The following CDC5L variants were observed in gnomAD, a reference collection of about 807,000 sequenced individuals.
CDC5L encodes cell division cycle 5 like.
A neutral mutation model predicts 104.1 loss-of-function variants in CDC5L; 18 were observed. That is an observed-to-expected ratio of 0.17 (90% CI 0.12 to 0.26). The LOEUF (loss-of-function observed/expected upper bound fraction) is 0.26, where lower values mean the gene tolerates loss of function less well. Ranked by LOEUF, CDC5L falls within the 10% of genes least tolerant of loss-of-function variation. CDC5L has a pLI of 1.00. For synonymous variants in CDC5L, 331 were observed against 322.7 expected, an observed-to-expected ratio of 1.03 and a Z score of -0.28; for missense variants, 673 against 956.9, an observed-to-expected ratio of 0.70 and a Z score of 3.91.
Position 44,422,893 on chromosome 6 carries a change from A to C in CDC5L, c.1404+84A>C, listed in dbSNP as rs566835655. ...AAATTAAAATTTCTCCTGTTAGTGC[A>C]TATCACATATACCTTAAGAATCTAT... is the stretch of plus-strand genomic sequence containing the variant. On this transcript the variant is annotated intron_variant, in intron 10 of 15. Coordinates refer to ENST00000371477, the MANE Select transcript of CDC5L (RefSeq NM_001253.4). 53 of 797,610 alleles carry C rather than the reference A, an allele frequency of 6.6e-5. No individual in the cohort carries two copies. In the Middle Eastern group the frequency reaches 1.2e-3, roughly 18 times the overall value. The allele number at this position is 797,610 out of a possible 1,614,324, so 49.4% of individuals were successfully genotyped here.
chr6:44,400,411 G>A (rs534352848), intron 5 of CDC5L, among the ~76,000 whole-genome samples: 47 of 152,192 alleles, frequency 3.1e-4, no homozygotes, highest in African/African-American at 1.1e-3. Context: ...TTTTTGAGAC[G>A]GAGTCTCGCT....
intron 6 of CDC5L, among the ~76,000 whole-genome samples, chr6:44,404,786 A>G (rs1244187025): frequency 6.6e-6 from 1 of 152,016 alleles, no homozygotes; most frequent in Non-Finnish European, 1.5e-5. Context: ...TCCACCTCCC[A>G]GGCTCAAGCA....
At chr6:44,407,715 C>G (rs1791438476) in intron 7 of CDC5L, among the ~76,000 whole-genome samples, 1 of 152,116 alleles carries the variant, frequency 6.6e-6, no homozygotes, top group Admixed American at 6.5e-5. Context: ...ACTTAGGAGA[C>G]CAGAAGAACT....
At chr6:44,403,138 C>G (rs925376892) in intron 5 of CDC5L, among the ~76,000 whole-genome samples, 2 of 152,130 alleles carry the variant, frequency 1.3e-5, no homozygotes, top group South Asian at 4.1e-4. Context: ...AGCAGACTGT[C>G]CATTTTTTGC....
At chr6:44,431,814 A>G (rs1164826403) in intron 14 of CDC5L, among the ~76,000 whole-genome samples, 1 of 152,226 alleles carries the variant, frequency 6.6e-6, no homozygotes. Context: ...TGGGTCGTTT[A>G]TGAGCAACCA....
chr6:44,393,743 C>T (rs890029217), intron 4 of CDC5L, among the ~76,000 whole-genome samples, 170 bp downstream of exon 4: 11 of 152,048 alleles, frequency 7.2e-5, no homozygotes, highest in African/African-American at 1.9e-4. Flanking sequence ...TGGTTCACTG[C>T]GGTTTTGACC....
At chr6:44,432,496 C>G (rs981749464) in intron 14 of CDC5L, among the ~76,000 whole-genome samples, 3 of 151,482 alleles carry the variant, frequency 2.0e-5, no homozygotes, top group East Asian at 3.9e-4. Flanking sequence ...CCAGCTTTGT[C>G]GTGGCTGGTG....
At chr6:44,408,379 A>G (rs546558952) in intron 7 of CDC5L, 65 bp from the exon 8 acceptor site, 4 of 1,295,422 alleles carry the variant, frequency 3.1e-6, no homozygotes, top group Admixed American at 1.9e-5. Flanking sequence ...TGGGATTACA[A>G]GTGTGAGCCA....
intron 11 of CDC5L, 133 bp downstream of exon 11, chr6:44,424,716 A>G: frequency 2.8e-6 from 2 of 717,824 alleles, no homozygotes; most frequent in Middle Eastern, 5.0e-4. Flanking sequence ...TCTAAAGTAA[A>G]TAACTTATGT....
chr6:44,403,330 T>TA (rs76723196), intron 5 of CDC5L, among the ~76,000 whole-genome samples: 502 of 142,174 alleles, frequency 3.5e-3, no homozygotes, highest in Non-Finnish European at 3.4e-3. Flanking sequence ...TTGAGTGCAT[T>TA]AAAAAAAAAA....
At chr6:44,412,348 A>C (rs1307285072) in intron 8 of CDC5L, among the ~76,000 whole-genome samples, 1 of 150,012 alleles carries the variant, frequency 6.7e-6, no homozygotes, top group Admixed American at 6.6e-5. Flanking sequence ...CCCATTACCC[A>C]GGCTGGAGTG....
chr6:44,425,649 T>G (rs1319546180), intron 11 of CDC5L, among the ~76,000 whole-genome samples: 3 of 152,178 alleles, frequency 2.0e-5, no homozygotes, highest in African/African-American at 7.2e-5. Flanking sequence ...TCAGCTACTT[T>G]GAGTTACATT....
At chr6:44,403,198 T>C (rs1030090436) in intron 5 of CDC5L, among the ~76,000 whole-genome samples, 1 of 152,218 alleles carries the variant, frequency 6.6e-6, no homozygotes, top group Non-Finnish European at 1.5e-5. Context: ...TAATTAGATA[T>C]GCACAAATGG....
At chr6:44,390,189 C>A (rs1351069971) in intron 1 of CDC5L, 79 bp from the exon 2 acceptor site, 1 of 816,878 alleles carries the variant, frequency 1.2e-6, no homozygotes, top group East Asian at 2.6e-5. Context: ...TCCAATAGCC[C>A]TATCAGAGTT....
rs758564138 is a variant in CDC5L, at chr6:44,445,664, G to T, written c.2101G>T (p.Gly701Cys). 1.2e-6 allele frequency: 2 copies of T among 1,613,000 alleles called. No homozygotes were observed. Among genetic ancestry groups the T allele is most frequent in the African/African-American group, 1.3e-5 (1 of 74,834 alleles). Residue 701 changes from glycine (G) to cysteine (C), a missense_variant, in exon 15 of 16, where the codon GGT (glycine) becomes TGT (cysteine). Transcript: ENST00000371477. ...TTCCCCTGCTCTCCAGATAAACAGG[G>T]GTCACATGACGACAGAAGCCAAGAG... ...SLEKRLEINR[G>C]HMTTEAKRAA...
At chr6:44,434,297 G>C (rs1792825021) in intron 14 of CDC5L, among the ~76,000 whole-genome samples, 1 of 152,198 alleles carries the variant, frequency 6.6e-6, no homozygotes, top group African/African-American at 2.4e-5. Context: ...AAGGTTTTTA[G>C]TAAGGTTTTG....
chr6:44,398,006 A>G (rs1484495138), intron 5 of CDC5L, among the ~76,000 whole-genome samples: 1 of 152,148 alleles, frequency 6.6e-6, no homozygotes, highest in Non-Finnish European at 1.5e-5. Context: ...TGTGGCCCCC[A>G]GGTTGGCCTG....
rs558169462 is a variant in CDC5L, at chr6:44,449,943, C to T, written c.*3232C>T. The stretch of plus-strand genomic sequence containing the variant: ...GCAGTAGTGCAATCTTGGCCCACTG[C>T]AACCTCTGCCTCCTGGGCTCGAGTG... On this transcript the variant is annotated 3_prime_UTR_variant, in exon 16 of 16. Transcript: ENST00000371477. The T allele has an allele frequency of 1.7e-4, 26 of 151,200 alleles. No homozygotes were observed. Among genetic ancestry groups the T allele is most frequent in the Admixed American group, 1.2e-3 (18 of 15,182 alleles). 9.4% of individuals were successfully genotyped at this position (151,200 alleles called of 1,614,324 possible).
At chr6:44,411,554 T>G (rs1791624039) in intron 8 of CDC5L, among the ~76,000 whole-genome samples, 1 of 151,898 alleles carries the variant, frequency 6.6e-6, no homozygotes, top group Non-Finnish European at 1.5e-5. Context: ...AAATCTTTTT[T>G]GTACTCTCTT....
Sources: gnomAD v4.1 joint callset for allele counts (sites outside exome capture counted in the v4.1 genomes callset) on GRCh38, gnomAD v4.1.1 for gene constraint, MANE v1.5 for transcripts, NCBI Gene and HGNC (gene_info 2026-07-23, HGNC 2026-07-21) for gene names.